ATP6V1C2: variants seen among roughly 807,000 people sequenced by gnomAD.
ATP6V1C2 encodes the protein ATPase H+ transporting V1 subunit C2.
ATP6V1C2 carries 45 observed loss-of-function variants against 56.8 expected under a neutral mutation model. The observed-to-expected ratio is 0.79, with a 90% CI of 0.62 to 1.02. ATP6V1C2 has a LOEUF of 1.02. Among genes scored for constraint, ATP6V1C2 ranks in the 50% least tolerant of loss-of-function variants. ATP6V1C2 has a pLI of 0.00. For missense variants in ATP6V1C2, 463 were observed against 519.7 expected (o/e 0.89, Z 1.06); for synonymous variants, 220 against 201.3 (o/e 1.09, Z -0.79).
intron 7 of ATP6V1C2, 28 bp downstream of exon 7, chr2:10,771,965 C>G (rs748117012): frequency 1.3e-6 from 2 of 1,594,626 alleles, no homozygotes; most frequent in African/African-American, 2.7e-5. Context: ...ACGAAGGAAA[C>G]CGGCCCTGCC....
intron 3 of ATP6V1C2, among the ~76,000 whole-genome samples, chr2:10,735,439 C>T (rs1338299556): frequency 1.3e-5 from 2 of 152,176 alleles, no homozygotes; most frequent in African/African-American, 4.8e-5. Flanking sequence ...TCCCCAAGTG[C>T]TGGGATTACA....
chr2:10,778,573 GC>G lies in ATP6V1C2; in HGVS notation c.970del (p.Leu324CysfsTer7), dbSNP rs1261459882. ...RERESEGEGE[G>X]PLLRWLKVNF... ...CACCTGGCTCTTCTGTCTTTGCAGG[GC>G]CCCCTGCTGCGCTGGCTCAAGGTGA... On this transcript the variant is annotated frameshift_variant and splice_region_variant, in exon 12 of 14. Transcript: ENST00000272238. LOFTEE classifies it high-confidence loss of function. 6.2e-7 allele frequency: 1 copy of G among 1,614,026 alleles called. No homozygotes were observed.
At chr2:10,782,446 C>T in intron 13 of ATP6V1C2, 71 bp downstream of exon 13, 1 of 1,550,074 alleles carries the variant, frequency 6.5e-7, no homozygotes, top group South Asian at 1.2e-5. Context: ...TGGTATCTGC[C>T]TGTAATCCCA....
intron 6 of ATP6V1C2, among the ~76,000 whole-genome samples, chr2:10,771,032 C>T (rs951000812): frequency 3.3e-5 from 5 of 152,190 alleles, no homozygotes; most frequent in Admixed American, 2.0e-4. Context: ...CTCATGCATG[C>T]GGTGCCCAGG....
Position 10,784,829 on chromosome 2 carries a change from G to T in ATP6V1C2, c.*1566G>T. 2.5e-6 allele frequency: 2 copies of T among 802,574 alleles called. No homozygotes were observed. Among genetic ancestry groups the T allele is most frequent in the Non-Finnish European group, 4.1e-6 (2 of 482,962 alleles). 49.7% of individuals were successfully genotyped at this position (802,574 alleles called of 1,614,324 possible). On this transcript the variant is annotated 3_prime_UTR_variant, in exon 14 of 14. Coordinates refer to ENST00000272238, the MANE Select transcript of ATP6V1C2 (RefSeq NM_001039362.2). ...CTTAAAAGGCCCACGGGTGCACCAG[G>T]GCTGAGGTCTGATGGGAAGGACTTG...
chr2:10,783,578 A>C lies in ATP6V1C2; in HGVS notation c.*315A>C. ...TTTTGAGGTTCATTAACAACATAGA[A>C]AGCCTTGAACTGTATAACCAGCTAG... On this transcript the variant is annotated 3_prime_UTR_variant, in exon 14 of 14. Transcript: ENST00000272238. 3.5e-6 allele frequency: 1 copy of C among 284,524 alleles called. No homozygotes were observed. The allele number at this position is 284,524 out of a possible 1,614,324, so 17.6% of individuals were successfully genotyped here.
chr2:10,758,857 C>T (rs1452129367), intron 4 of ATP6V1C2, among the ~76,000 whole-genome samples: 2 of 152,040 alleles, frequency 1.3e-5, no homozygotes, highest in East Asian at 1.9e-4. Flanking sequence ...TCAGTAGAGA[C>T]GGGGTTTCAC....
In ATP6V1C2 at chr2:10,784,099, G is replaced by A; in HGVS notation, c.*836G>A. On this transcript the variant is annotated 3_prime_UTR_variant, in exon 14 of 14. Coordinates refer to ENST00000272238, the MANE Select transcript of ATP6V1C2 (RefSeq NM_001039362.2). ...TTCAATGTTTTCTTGAGATGCAAAAGTTCACTGTTGCAGTGTTTTCAAATG... is the reference window on the plus strand; with the variant it reads ...TTCAATGTTTTCTTGAGATGCAAAAATTCACTGTTGCAGTGTTTTCAAATG... 1 of 454,496 alleles carries A rather than the reference G, an allele frequency of 2.2e-6. No homozygotes were observed. 28.2% of individuals were successfully genotyped at this position (454,496 alleles called of 1,614,324 possible).
chr2:10,768,817 A>T lies in ATP6V1C2; in HGVS notation c.470+7A>T, dbSNP rs1664395259. On this transcript the variant is annotated splice_region_variant and intron_variant, in intron 6 of 13. Coordinates refer to ENST00000272238, the MANE Select transcript of ATP6V1C2 (RefSeq NM_001039362.2). ...ACCTGGAAAAGAAATCCATGTGTGT[A>T]TTTGCCAGCCTCCACATCTGGCGGG... is the stretch of plus-strand genomic sequence containing the variant. 3.1e-6 allele frequency: 5 copies of T among 1,612,790 alleles called. No individual in the cohort carries two copies. Among genetic ancestry groups the T allele is most frequent in the Admixed American group, 3.3e-5 (2 of 59,998 alleles).
At chr2:10,782,073 T>C (rs1168301394) in intron 12 of ATP6V1C2, among the ~76,000 whole-genome samples, 170 bp from the exon 13 acceptor site, 1 of 151,560 alleles carries the variant, frequency 6.6e-6, no homozygotes, top group Admixed American at 6.6e-5. Flanking sequence ...TCTAGAGCTT[T>C]TTCTATCCAG....
At chr2:10,739,579 C>T (rs548933887) in intron 3 of ATP6V1C2, among the ~76,000 whole-genome samples, 3 of 152,064 alleles carry the variant, frequency 2.0e-5, no homozygotes, top group African/African-American at 4.8e-5. Context: ...CTTATCGACC[C>T]GATCCCAGAA....
chr2:10,748,211 G>A (rs1465168429), intron 3 of ATP6V1C2, among the ~76,000 whole-genome samples: 2 of 152,064 alleles, frequency 1.3e-5, no homozygotes, highest in Non-Finnish European at 2.9e-5. Flanking sequence ...GACCTTGATG[G>A]CTCTGAGTTT....
At chr2:10,728,774 CAAAAA>C (rs370117201) in intron 3 of ATP6V1C2, among the ~76,000 whole-genome samples, 8 of 74,258 alleles carry the variant, frequency 1.1e-4, no homozygotes, top group South Asian at 4.3e-4. Context: ...CACCCTGTCT[CAAAAA>C]AAAAAAAAAA....
chr2:10,724,567 A>G (rs1398685203), intron 2 of ATP6V1C2, among the ~76,000 whole-genome samples: 4 of 152,138 alleles, frequency 2.6e-5, no homozygotes, highest in Non-Finnish European at 5.9e-5. Context: ...AGGTAAAAAG[A>G]TAAAAAAAGA....
chr2:10,781,135 G>A (rs115836071), intron 12 of ATP6V1C2, among the ~76,000 whole-genome samples: 4,359 of 152,262 alleles, frequency 0.029, 216 homozygotes, highest in African/African-American at 0.098. Context: ...CTCAGAGGCT[G>A]AGGAAAGGTT....
At chr2:10,735,351 G>A (rs968326683) in intron 3 of ATP6V1C2, among the ~76,000 whole-genome samples, 1 of 151,892 alleles carries the variant, frequency 6.6e-6, no homozygotes, top group Non-Finnish European at 1.5e-5. Flanking sequence ...TGTGTTTTTA[G>A]TGGAGATGAG....
intron 2 of ATP6V1C2, among the ~76,000 whole-genome samples, chr2:10,723,819 A>T (rs1661488153): frequency 6.8e-6 from 1 of 146,560 alleles, no homozygotes; most frequent in Non-Finnish European, 1.5e-5. Flanking sequence ...AGCCTGGGTG[A>T]ACGGCGAGAC....
chr2:10,760,030 G>GTTTTTTTTT (rs34096158), intron 4 of ATP6V1C2, among the ~76,000 whole-genome samples: 5 of 133,804 alleles, frequency 3.7e-5, no homozygotes, highest in South Asian at 2.4e-4. Context: ...TTTGTTTTTT[G>GTTTTTTTTT]TTTTTTTTTT....
At chr2:10,748,204 C>G (rs1041381617) in intron 3 of ATP6V1C2, among the ~76,000 whole-genome samples, 1 of 152,158 alleles carries the variant, frequency 6.6e-6, no homozygotes, top group Non-Finnish European at 1.5e-5. Context: ...TCTTTTTGAC[C>G]TTGATGGCTC....
Sources: allele counts gnomAD v4.1 joint callset (sites outside exome capture counted in the v4.1 genomes callset), GRCh38; gene constraint gnomAD v4.1.1; transcripts MANE v1.5; gene names NCBI Gene and HGNC (gene_info 2026-07-23, HGNC 2026-07-21).